ATRN: variants seen among roughly 807,000 people sequenced by gnomAD.
The protein encoded by ATRN is attractin-2.
Under a neutral mutation model 178.7 loss-of-function variants are expected in ATRN, and 54 were observed. That is an observed-to-expected ratio of 0.30 (90% CI 0.24 to 0.38). The LOEUF (loss-of-function observed/expected upper bound fraction) is 0.38, where lower values mean the gene tolerates loss of function less well. Ranked by LOEUF, ATRN falls within the 10% of genes least tolerant of loss-of-function variation. The pLI is 1.00. For synonymous variants in ATRN, 636 were observed against 663.0 expected, an observed-to-expected ratio of 0.96 and a Z score of 0.63; for missense variants, 1,443 against 1,815.1, an observed-to-expected ratio of 0.79 and a Z score of 3.73.
chr20:3,584,141 C>T, intron 17 of ATRN, 58 bp downstream of exon 17: 1 of 1,536,262 alleles, frequency 6.5e-7, no homozygotes, highest in Non-Finnish European at 8.9e-7. Context: ...GGCAACAACT[C>T]AGCCATGAGG....
chr20:3,629,395 C>A (rs1438108084), intron 25 of ATRN: 2 of 752,002 alleles, frequency 2.7e-6, no homozygotes, highest in Non-Finnish European at 3.2e-6. Flanking sequence ...AAGCTCTTTC[C>A]CTACACTGAG....
chr20:3,495,202 G>A (rs1034295200), intron 1 of ATRN, among the ~76,000 whole-genome samples: 6 of 152,054 alleles, frequency 3.9e-5, no homozygotes, highest in Admixed American at 6.6e-5. Flanking sequence ...TGATAGAGAC[G>A]AAACTTTGGA....
intron 3 of ATRN, among the ~76,000 whole-genome samples, chr20:3,541,627 CAT>C (rs1416753594): frequency 6.6e-6 from 1 of 152,114 alleles, no homozygotes; most frequent in Middle Eastern, 3.2e-3. Context: ...TATATCTAAA[CAT>C]ATCTATACAT....
intron 18 of ATRN, among the ~76,000 whole-genome samples, chr20:3,587,306 A>AC (rs1379568316): frequency 6.6e-6 from 1 of 152,140 alleles, no homozygotes; most frequent in East Asian, 1.9e-4. Flanking sequence ...GTGCCCAAGT[A>AC]ACCCAGGATC....
In ATRN at chr20:3,633,181, T is replaced by C. The variant is rs536425377; in HGVS notation, c.3864-1130T>C. Among the ~76,000 whole-genome samples, 22 of 152,244 alleles carry C rather than the reference T, an allele frequency of 1.4e-4. 1 individual carries two copies. Among genetic ancestry groups the C allele is most frequent in the Admixed American group, 1.2e-3 (18 of 15,306 alleles). On this transcript the variant is annotated intron_variant, in intron 25 of 28. Transcript: ENST00000262919. ...GTCAGAAGAGTTGGCAGTGTCCTGA[T>C]AGCAGAGAGGCCCAGAGATGAAGGC...
chr20:3,471,817 T>C (rs1434707675), intron 1 of ATRN, among the ~76,000 whole-genome samples: 2 of 152,198 alleles, frequency 1.3e-5, no homozygotes, highest in African/African-American at 4.8e-5. Context: ...AGCCGATCGC[T>C]CTAAAACTCG....
intron 1 of ATRN, among the ~76,000 whole-genome samples, chr20:3,519,585 A>C (rs2085259951): frequency 6.6e-6 from 1 of 152,196 alleles, no homozygotes; most frequent in African/African-American, 2.4e-5. Flanking sequence ...GACTTCCAGA[A>C]GGAGAGAAAG....
At chr20:3,615,896 G>T (rs185622837) in intron 24 of ATRN, 42 of 448,224 alleles carry the variant, frequency 9.4e-5, no homozygotes, top group African/African-American at 8.0e-4. Context: ...CCTGTTGTGG[G>T]GTGGGGGGAA....
intron 1 of ATRN, chr20:3,490,059 A>G: frequency 8.5e-7 from 1 of 1,180,370 alleles, no homozygotes; most frequent in South Asian, 1.2e-5. Context: ...CTTCTAGAAA[A>G]GCAATGTCTT....
At chr20:3,488,450 T>G (rs988520827) in intron 1 of ATRN, among the ~76,000 whole-genome samples, 1 of 152,218 alleles carries the variant, frequency 6.6e-6, no homozygotes, top group Non-Finnish European at 1.5e-5. Context: ...TTTATTTGCT[T>G]TATGCATATC....
chr20:3,497,592 A>T (rs1419198924), intron 1 of ATRN, among the ~76,000 whole-genome samples: 11 of 152,090 alleles, frequency 7.2e-5, no homozygotes, highest in Non-Finnish European at 2.9e-5. Context: ...GCTGCCCTTA[A>T]CATTTTTTCC....
rs150279952 is a variant in ATRN, at chr20:3,577,118, C to T, written c.2353+121C>T. The T allele has an allele frequency of 8.6e-5, 107 of 1,245,844 alleles. No homozygotes were observed. The African/African-American group carries it at 1.5e-3, about 17-fold the overall frequency. 77.2% of individuals were successfully genotyped at this position (1,245,844 alleles called of 1,614,324 possible). ...AAGAGCTAATTCTGTCCATTCATCC[C>T]CCACACGAGTATTATGGGCTTTTTT... On this transcript the variant is annotated intron_variant, in intron 14 of 28. Transcript: ENST00000262919.
intron 1 of ATRN, 22 bp downstream of exon 1, chr20:3,471,539 A>C: frequency 7.3e-7 from 1 of 1,377,570 alleles, no homozygotes; most frequent in Admixed American, 3.9e-5. Flanking sequence ...GTGGTGTCGG[A>C]GGGTCGGGTC....
At chr20:3,605,699 G>A (rs1351714009) in intron 24 of ATRN, among the ~76,000 whole-genome samples, 1 of 152,118 alleles carries the variant, frequency 6.6e-6, no homozygotes, top group African/African-American at 2.4e-5. Flanking sequence ...AGTGGGAGCC[G>A]AGAACACATG....
chr20:3,628,732 A>G (rs1044715426), intron 25 of ATRN, among the ~76,000 whole-genome samples: 1 of 151,948 alleles, frequency 6.6e-6, no homozygotes, highest in East Asian at 1.9e-4. Flanking sequence ...TCCAAAGGAT[A>G]CTTTTTGGTT....
chr20:3,531,302 A>G (rs1339699121), intron 1 of ATRN, among the ~76,000 whole-genome samples: 3 of 152,232 alleles, frequency 2.0e-5, no homozygotes, highest in Non-Finnish European at 4.4e-5. Context: ...GCTGGTGCAA[A>G]TGTGAATTGT....
Position 3,638,861 on chromosome 20 carries a change from C to T in ATRN, c.3976C>T (p.Arg1326Cys), listed in dbSNP as rs1031314497. Residue 1326 changes from arginine (R) to cysteine (C), a missense_variant, in exon 27 of 29, where the codon CGT (arginine) becomes TGT (cysteine). Transcript: ENST00000262919. This position sits in a 1 kb window ranked among gnomAD's most constrained non-coding sequence, Gnocchi z 4.5. ...TCGAGAGATGCAACAGATGGCCAGC[C>T]GTCCCTTTGCCTCTGTAAATGTCGC... ...LLREMQQMAS[R>C]PFASVNVALE... is the part of the protein sequence containing the mutation. 3 of 1,614,026 alleles carry T rather than the reference C, an allele frequency of 1.9e-6. No individual in the cohort carries two copies. Among genetic ancestry groups the T allele is most frequent in the African/African-American group, 2.7e-5 (2 of 74,924 alleles).
intron 11 of ATRN, among the ~76,000 whole-genome samples, chr20:3,572,476 A>G (rs2086139547): frequency 6.6e-6 from 1 of 152,152 alleles, no homozygotes; most frequent in Non-Finnish European, 1.5e-5. Context: ...ATAATTTCTT[A>G]GAAGACTTAT....
intron 19 of ATRN, among the ~76,000 whole-genome samples, chr20:3,592,913 A>G (rs1254137261): frequency 1.3e-5 from 2 of 152,234 alleles, no homozygotes; most frequent in Non-Finnish European, 2.9e-5. Flanking sequence ...GCTCAGATTA[A>G]AAGGTATTTG....
Sources: allele counts gnomAD v4.1 joint callset (sites outside exome capture counted in the v4.1 genomes callset), GRCh38; gene constraint gnomAD v4.1.1; non-coding constraint Gnocchi (gnomAD v3.1); transcripts MANE v1.5; gene names NCBI Gene and HGNC (gene_info 2026-07-23, HGNC 2026-07-21).